The following MYH2 variants were observed in gnomAD, a reference collection of about 807,000 sequenced individuals.
MYH2 encodes myosin-2.
MYH2 carries 139 observed loss-of-function variants against 228.1 expected under a neutral mutation model. The observed-to-expected ratio is 0.61, with a 90% CI of 0.53 to 0.70. MYH2 has a LOEUF of 0.70. Ranked by LOEUF, MYH2 falls within the 30% of genes least tolerant of loss-of-function variation. MYH2 has a pLI of 0.00. For missense variants in MYH2, 1,809 were observed against 2,357.5 expected (o/e 0.77, Z 4.82); for synonymous variants, 796 against 871.1 (o/e 0.91, Z 1.52).
chr17:10,529,516 T>C (rs1325074667), intron 24 of MYH2, 35 bp from the exon 25 acceptor site: 18 of 1,614,100 alleles, frequency 1.1e-5, no homozygotes, highest in Non-Finnish European at 1.5e-5. Context: ...GAAGGAATGC[T>C]TATCTTCCTT....
At chr17:10,532,010 A>AG in intron 21 of MYH2, 122 bp from the exon 22 acceptor site, 3 of 1,256,652 alleles carry the variant, frequency 2.4e-6, no homozygotes, top group Non-Finnish European at 3.5e-6. Context: ...ATGCAGATGA[A>AG]AAAATTCTAT....
Position 10,525,910 on chromosome 17 carries a change from A to G in MYH2, c.4188-34T>C. On this transcript the variant is annotated intron_variant, in intron 30 of 39. Coordinates refer to ENST00000245503, the MANE Select transcript of MYH2 (RefSeq NM_017534.6). This position sits in a 1 kb window ranked among gnomAD's most constrained non-coding sequence, Gnocchi z 4.2. Reference sequence around the variant, plus strand: ...TTATACATGTTTTCAGAGAGAAGTGAACCATAATATGAATTATGAGCTATT... The same window carrying G: ...TTATACATGTTTTCAGAGAGAAGTGGACCATAATATGAATTATGAGCTATT... 6.2e-7 allele frequency: 1 copy of G among 1,607,172 alleles called. No homozygotes were observed. The highest frequency in any genetic ancestry group is 8.5e-7 in the Non-Finnish European group (1 of 1,174,286).
In MYH2 at chr17:10,531,714, T is replaced by G. The variant is rs1475303640; in HGVS notation, c.2616A>C (p.Ser872=). The G allele has an allele frequency of 6.2e-7, 1 of 1,614,240 alleles. No homozygotes were observed. The highest frequency in any genetic ancestry group is 8.5e-7 in the Non-Finnish European group (1 of 1,180,038). ...CTTCCAGTTCCTTCCTTTTTGCCTC[T>G]GACTTGGCAAGTTCGTCTTTAATTT... ...FQKIKDELAK[S]EAKRKELEEK... Residue 872 remains serine, a synonymous_variant, in exon 22 of 40, where the codon TCA becomes TCC. Coordinates refer to ENST00000245503, the MANE Select transcript of MYH2 (RefSeq NM_017534.6).
chr17:10,522,340 T>A (rs973838926), intron 39 of MYH2, among the ~76,000 whole-genome samples: 7 of 152,190 alleles, frequency 4.6e-5, no homozygotes, highest in African/African-American at 1.7e-4. Context: ...TAAAAAATAA[T>A]CCTCTATGTA....
At chr17:10,542,995 A>T (rs761623459) in intron 9 of MYH2, 22 bp from the exon 10 acceptor site, 2 of 1,599,052 alleles carry the variant, frequency 1.3e-6, no homozygotes, top group Admixed American at 3.3e-5. Flanking sequence ...CAAATAACAC[A>T]TAAGAAAATT....
intron 10 of MYH2, among the ~76,000 whole-genome samples, chr17:10,542,280 C>G (rs938270700): frequency 2.0e-5 from 3 of 151,894 alleles, no homozygotes; most frequent in African/African-American, 7.3e-5. Context: ...TCTCAACAAA[C>G]AAACAAACAA....
chr17:10,530,191 T>G, intron 22 of MYH2, 117 bp from the exon 23 acceptor site: 1 of 1,572,746 alleles, frequency 6.4e-7, no homozygotes, highest in Non-Finnish European at 8.7e-7. Flanking sequence ...TGTTTACTCC[T>G]TCACAAATTT....
At chr17:10,544,274 C>T (rs1483592276) in intron 5 of MYH2, 147 bp from the exon 6 acceptor site, 2 of 909,288 alleles carry the variant, frequency 2.2e-6, no homozygotes, top group South Asian at 1.5e-5. Flanking sequence ...CACTTTCTCC[C>T]TCCCCAACTT....
chr17:10,541,354 A>T (rs536540077), intron 10 of MYH2, among the ~76,000 whole-genome samples: 1 of 151,744 alleles, frequency 6.6e-6, no homozygotes, highest in South Asian at 2.1e-4. Context: ...TGCTCTGGGA[A>T]TGTTGTCTTT....
chr17:10,527,655 C>G lies in MYH2; in HGVS notation c.3871+93G>C, dbSNP rs138423593. On this transcript the variant is annotated intron_variant, in intron 28 of 39. Transcript: ENST00000245503. ...TTCAGTGAATCAGACATGTTCTCAGCTGTTTTATTAGGCTCCCACTTCACC... is the reference window on the plus strand; with the variant it reads ...TTCAGTGAATCAGACATGTTCTCAGGTGTTTTATTAGGCTCCCACTTCACC... 61 of 1,586,584 alleles carry G rather than the reference C, an allele frequency of 3.8e-5. No homozygotes were observed. In the African/African-American group the frequency reaches 7.8e-4, roughly 20 times the overall value.
rs754104695 is a variant in MYH2, at chr17:10,544,099, C to T, written c.533+1G>A. The stretch of plus-strand genomic sequence containing the variant: ...GTAAAGAAAGCATAAAATCTACTTA[C>T]GTGATCAGGATTGACTGATTCTCTC... On this transcript the variant is annotated splice_donor_variant, in intron 6 of 39. Transcript: ENST00000245503. LOFTEE classifies it high-confidence loss of function. The T allele has an allele frequency of 6.8e-6, 11 of 1,614,110 alleles. No homozygotes were observed. Among genetic ancestry groups the T allele is most frequent in the Admixed American group, 5.0e-5 (3 of 60,006 alleles).
rs549962725 is a variant in MYH2, at chr17:10,547,478, G to A, written c.345C>T (p.Ile115=). Residue 115 remains isoleucine (I), a synonymous_variant, in exon 4 of 40, where the codon ATC becomes ATT. Coordinates refer to ENST00000245503, the MANE Select transcript of MYH2 (RefSeq NM_017534.6). ...AGCACTGGCAGGGGACACTCACGTA[G>A]ATCATCCAGGCTGCATAACGTTCTT... is the stretch of plus-strand genomic sequence containing the variant. ...NLKERYAAWM[I]YTYSGLFCVT... The A allele has an allele frequency of 4.3e-6, 7 of 1,614,142 alleles. No individual in the cohort carries two copies. The South Asian group carries it at 7.7e-5, about 18-fold the overall frequency.
At chr17:10,538,319 A>C (rs1177791634) in intron 14 of MYH2, among the ~76,000 whole-genome samples, 3 of 152,148 alleles carry the variant, frequency 2.0e-5, no homozygotes, top group Non-Finnish European at 2.9e-5. Flanking sequence ...AATGAAAAAA[A>C]AAAAAGATCA....
intron 10 of MYH2, among the ~76,000 whole-genome samples, chr17:10,540,946 C>T (rs572667944): frequency 5.2e-4 from 79 of 152,288 alleles, no homozygotes; most frequent in African/African-American, 1.5e-3. Context: ...TAAATTGTGA[C>T]GATTTCATGG....
rs758927683 is a variant in MYH2 at position 10,528,942 on chromosome 17, T to G, written c.3492A>C (p.Ser1164=). ...ERLEEAGGAT[S]AQIEMNKKRE... ...GCTTCTTGTTCATCTCAATCTGGGC[T>G]GAAGTGGCCCCACCGGCTTCTTCCA... The change falls in exon 27 of 40, where the codon TCA becomes TCC. Residue 1164 remains serine (S), a synonymous_variant. Coordinates refer to ENST00000245503, the MANE Select transcript of MYH2 (RefSeq NM_017534.6). 1.2e-6 allele frequency: 2 copies of G among 1,614,188 alleles called. No homozygotes were observed. The highest frequency in any genetic ancestry group is 3.3e-5 in the Admixed American group (2 of 60,030).
intron 1 of MYH2, 106 bp downstream of exon 1, chr17:10,549,530 A>G (rs2073675518): frequency 6.6e-6 from 1 of 152,306 alleles, no homozygotes; most frequent in Admixed American, 6.5e-5. Context: ...TCATAGAGGT[A>G]AAACGTGCAG....
chr17:10,527,007 T>C lies in MYH2; in HGVS notation c.3921A>G (p.Leu1307=). The change falls in exon 29 of 40, where the codon TTA becomes TTG. Residue 1307 remains leucine, a synonymous_variant. Transcript: ENST00000245503. ...GAGTAAAGGCTTGTTTGCCTCTTGA[T>C]AACTGAGACACCAGAGCTTCCTTTT... is the stretch of plus-strand genomic sequence containing the variant. ...LDEKEALVSQ[L]SRGKQAFTQQ... 6.2e-7 allele frequency: 1 copy of C among 1,614,188 alleles called. No individual in the cohort carries two copies. The highest frequency in any genetic ancestry group is 8.5e-7 in the Non-Finnish European group (1 of 1,180,036).
chr17:10,531,104 T>C (rs764899668), intron 22 of MYH2, among the ~76,000 whole-genome samples: 15 of 152,122 alleles, frequency 9.9e-5, no homozygotes, highest in Non-Finnish European at 1.9e-4. Context: ...AATGTGGGTG[T>C]GACATGATGG....
At chr17:10,543,664 A>G (rs1447909176) in intron 8 of MYH2, 47 bp downstream of exon 8, 1 of 1,600,556 alleles carries the variant, frequency 6.2e-7, no homozygotes, top group African/African-American at 1.3e-5. Context: ...ACATCTCATA[A>G]ATTTTGACCA....
Sources: gnomAD v4.1 joint callset for allele counts (sites outside exome capture counted in the v4.1 genomes callset) on GRCh38, gnomAD v4.1.1 for gene constraint, Gnocchi (gnomAD v3.1) non-coding constraint, MANE v1.5 for transcripts, NCBI Gene and HGNC (gene_info 2026-07-23, HGNC 2026-07-21) for gene names.